Variants in PKHD1 observed in about 807,000 individuals in gnomAD.
PKHD1 encodes the protein PKHD1 ciliary IPT domain containing fibrocystin/polyductin.
In PKHD1, 291 loss-of-function variants were observed where a neutral mutation model predicts 412.0. That is an observed-to-expected ratio of 0.71 (90% CI 0.64 to 0.78). PKHD1 has a LOEUF of 0.78. PKHD1 is among the 30% of genes least tolerant of loss of function. The pLI, the probability that PKHD1 is intolerant of heterozygous loss-of-function variation, is 0.00. For missense variants in PKHD1, 4,825 were observed against 4,950.7 expected, an observed-to-expected ratio of 0.97 and a Z score of 0.76; for synonymous variants, 1,777 against 1,821.5, an observed-to-expected ratio of 0.98 and a Z score of 0.62.
chr6:52,058,198 C>T, intron 16 of PKHD1, 125 bp downstream of exon 16: 2 of 838,828 alleles, frequency 2.4e-6, no homozygotes, highest in Non-Finnish European at 4.1e-6. Context: ...AAGAGATATC[C>T]TATTTCTTTG....
chr6:51,638,799 CA>C lies in PKHD1; in HGVS notation c.11506+49del, dbSNP rs376358912. 0.074 allele frequency: 61,474 copies of C among 833,636 alleles called. 112 individuals carry two copies. Among genetic ancestry groups the C allele is most frequent in the African/African-American group, 0.083 (4,027 of 48,404 alleles). 51.6% of individuals were successfully genotyped at this position (833,636 alleles called of 1,614,324 possible). On this transcript the variant is annotated intron_variant, in intron 64 of 66. Coordinates refer to ENST00000371117, the MANE Select transcript of PKHD1 (RefSeq NM_138694.4). ...TATAAGGGAGAAAGGATTATCTTCT[CA>C]AAAAAAAAAAAAAAAAACACAGAAT...
At chr6:51,924,835 CCAAAT>C (rs140231638) in intron 37 of PKHD1, among the ~76,000 whole-genome samples, 2,245 of 152,276 alleles carry the variant, frequency 0.015, 52 homozygotes, top group African/African-American at 0.05. Context: ...GACAACTTCA[CCAAAT>C]CAAAAGTGTA....
chr6:51,682,224 T>A (rs1261671701), intron 60 of PKHD1: 1 of 456,064 alleles, frequency 2.2e-6, no homozygotes, highest in Non-Finnish European at 4.4e-6. Flanking sequence ...AAGGGAACTC[T>A]TCTTTTGTCC....
rs1282260685 is a variant in PKHD1 at position 51,912,553 on chromosome 6, T to C, written c.6145A>G (p.Thr2049Ala). 5 of 1,612,656 alleles carry C rather than the reference T, an allele frequency of 3.1e-6. No individual in the cohort carries two copies. Among genetic ancestry groups the C allele is most frequent in the Admixed American group, 1.7e-5 (1 of 59,870 alleles). ...GCATGGGCAGTTGCTCTAAGACAGGTGACAATTACTTCTGGTAGTGAACCT... is the reference window on the plus strand; with the variant it reads ...GCATGGGCAGTTGCTCTAAGACAGGCGACAATTACTTCTGGTAGTGAACCT... Reference protein sequence around the residue: ...LHGSLPEVIVTCLRATAHALD... With the variant: ...LHGSLPEVIVACLRATAHALD... The change falls in exon 38 of 67, where the codon ACC becomes GCC. Residue 2049 changes from threonine (T) to alanine (A), a missense_variant. By Grantham distance (58) the Thr-to-Ala change is moderately conservative. Coordinates refer to ENST00000371117, the MANE Select transcript of PKHD1 (RefSeq NM_138694.4).
chr6:51,681,476 T>C (rs1371201277), intron 60 of PKHD1, among the ~76,000 whole-genome samples: 9 of 152,096 alleles, frequency 5.9e-5, no homozygotes, highest in Admixed American at 4.6e-4. Flanking sequence ...CTGAAGGGAA[T>C]AGATGAACTT....
At chr6:51,720,571 G>A (rs1005642968) in intron 60 of PKHD1, among the ~76,000 whole-genome samples, 3 of 151,968 alleles carry the variant, frequency 2.0e-5, no homozygotes, top group African/African-American at 4.8e-5. Flanking sequence ...CAGTTTAAAC[G>A]CACTTCCAAG....
intron 24 of PKHD1, 69 bp from the exon 25 acceptor site, chr6:52,045,157 A>G: frequency 1.3e-6 from 2 of 1,499,094 alleles, no homozygotes; most frequent in East Asian, 2.3e-5. Context: ...ATCAAATAAT[A>G]AAGAGTTTTT....
At chr6:51,648,250 GATAA>G (rs772493681) in intron 62 of PKHD1, 132 bp from the exon 63 acceptor site, 10 of 627,266 alleles carry the variant, frequency 1.6e-5, no homozygotes, top group Admixed American at 2.8e-5. Context: ...GAAAGAAAGT[GATAA>G]ATAAATGTCT....
At chr6:51,990,635 C>G (rs1421549927) in intron 35 of PKHD1, among the ~76,000 whole-genome samples, 1 of 152,178 alleles carries the variant, frequency 6.6e-6, no homozygotes, top group Non-Finnish European at 1.5e-5. Context: ...AAAGTGAATT[C>G]ATGTAGCATT....
At chr6:51,888,651 T>A (rs1778595223) in intron 43 of PKHD1, among the ~76,000 whole-genome samples, 1 of 151,968 alleles carries the variant, frequency 6.6e-6, no homozygotes, top group African/African-American at 2.4e-5. Context: ...TCACCCTTCC[T>A]GGTTCACTCA....
In PKHD1 at chr6:52,059,259, C is replaced by CTTTTTTTTTTTTTTTT. The variant is rs55992586; in HGVS notation, c.1233+653_1234-659dup. ...CTTTCTTTTTTTTCTTTTTCTTTTTCTTTTTTTTTTTTTTTTTTTTTTTTG... is the reference window on the plus strand; with the variant it reads ...CTTTCTTTTTTTTCTTTTTCTTTTTCTTTTTTTTTTTTTTTTTTTTTTTTTTTTTTTTTTTTTTTTG... On this transcript the variant is annotated intron_variant, in intron 15 of 66. Transcript: ENST00000371117. 8.0e-4 allele frequency among the ~76,000 whole-genome samples: 67 copies of CTTTTTTTTTTTTTTTT among 83,518 alleles called. 5 individuals are homozygous for CTTTTTTTTTTTTTTTT. Among genetic ancestry groups the CTTTTTTTTTTTTTTTT allele is most frequent in the African/African-American group, 3.1e-3 (59 of 19,164 alleles). 54.8% of individuals were successfully genotyped at this position (83,518 alleles called of 152,430 possible).
At position 51,867,999 on chromosome 6, in the gene PKHD1, C is replaced by T. The variant is rs1246936197; in HGVS notation, c.7597G>A (p.Gly2533Arg). 3.1e-6 allele frequency: 5 copies of T among 1,613,134 alleles called. No homozygotes were observed. The highest frequency in any genetic ancestry group is 3.4e-6 in the Non-Finnish European group (4 of 1,179,210). Residue 2533 changes from glycine to arginine, a missense_variant, in exon 48 of 67, where the codon GGG becomes AGG. Transcript: ENST00000371117. ...ILEDLDGSLS[G>R]KNRSHILASM... The stretch of plus-strand genomic sequence containing the variant: ...GCAAGAATGTGACTTCTGTTTTTCC[C>T]AGACAGAGACCCATCCAAGTCTTCC...
intron 60 of PKHD1, among the ~76,000 whole-genome samples, chr6:51,719,147 T>C (rs1291281805): frequency 1.3e-5 from 2 of 152,060 alleles, no homozygotes; most frequent in Non-Finnish European, 2.9e-5. Context: ...TATTAAAGCT[T>C]CTAAAACAAG....
chr6:51,848,996 C>T (rs1488896864), intron 49 of PKHD1, among the ~76,000 whole-genome samples: 3 of 147,638 alleles, frequency 2.0e-5, no homozygotes, highest in African/African-American at 5.0e-5. Context: ...CACAGGTATA[C>T]GTGTGCCATG....
chr6:51,826,253 A>G (rs527336490), intron 52 of PKHD1, among the ~76,000 whole-genome samples: 24 of 152,334 alleles, frequency 1.6e-4, no homozygotes, highest in Admixed American at 3.3e-4. Context: ...GGTACTGAAT[A>G]TTAAAAATCA....
chr6:51,864,568 T>C (rs1222025499), intron 48 of PKHD1, among the ~76,000 whole-genome samples: 2 of 152,054 alleles, frequency 1.3e-5, no homozygotes, highest in Non-Finnish European at 2.9e-5. Flanking sequence ...GTTTCAGGTT[T>C]AGACCAGCAT....
intron 36 of PKHD1, among the ~76,000 whole-genome samples, chr6:51,935,300 TTAAA>T (rs1461019730): frequency 1.3e-5 from 2 of 152,156 alleles, no homozygotes; most frequent in Admixed American, 6.5e-5. Flanking sequence ...CATTGTGAGA[TTAAA>T]TAATTTAAAA....
intron 10 of PKHD1, among the ~76,000 whole-genome samples, 162 bp downstream of exon 10, chr6:52,070,244 A>C (rs1810401781): frequency 6.6e-6 from 1 of 152,216 alleles, no homozygotes; most frequent in South Asian, 2.1e-4. Context: ...TCATTCACCC[A>C]GGTAAAAAAG....
At chr6:51,881,071 CTTTCTTTTTTTTTTTTTT>C (rs1777247878) in intron 46 of PKHD1, among the ~76,000 whole-genome samples, 1 of 106,846 alleles carries the variant, frequency 9.4e-6, no homozygotes. Context: ...CCCTCTTTTT[CTTTCTTTTTTTTTTTTTT>C]TTTCTTTTTT....
Sources: allele counts gnomAD v4.1 joint callset (sites outside exome capture counted in the v4.1 genomes callset), GRCh38; gene constraint gnomAD v4.1.1; transcripts MANE v1.5; gene names NCBI Gene and HGNC (gene_info 2026-07-23, HGNC 2026-07-21).